BIRC7: variants seen among roughly 807,000 people sequenced by gnomAD.
BIRC7 encodes the protein baculoviral IAP repeat containing 7, also known as baculoviral IAP repeat-containing protein 7.
BIRC7 carries 26 observed loss-of-function variants against 33.2 expected under a neutral mutation model. That is an observed-to-expected ratio of 0.78 (90% CI 0.57 to 1.09). The LOEUF is 1.09. Ranked by LOEUF, BIRC7 falls within the 50% of genes least tolerant of loss-of-function variation. BIRC7 has a pLI of 0.00. For synonymous variants in BIRC7, 176 were observed against 171.0 expected (o/e 1.03, Z -0.23); for missense variants, 409 against 401.2 (o/e 1.02, Z -0.17).
chr20:63,239,578 C>T lies in BIRC7; in HGVS notation c.870C>T (p.Arg290=). The change falls in exon 6 of 7, where the codon CGC becomes CGT. Residue 290 remains arginine, a synonymous_variant. Coordinates refer to ENST00000217169, the MANE Select transcript of BIRC7 (RefSeq NM_139317.3). ...QLCPICRAPV[R]SRVRTFLS is the part of the protein sequence containing the mutation. ...GCCCCATCTGCAGAGCCCCCGTCCG[C>T]AGCCGCGTGCGCACCTTCCTGTCCT... The T allele has an allele frequency of 2.5e-6, 4 of 1,599,334 alleles. No homozygotes were observed. The highest frequency in any genetic ancestry group is 2.2e-5 in the East Asian group (1 of 44,820).
chr20:63,237,914 A>ACCCC lies in BIRC7; in HGVS notation c.361_362insCCCC (p.Lys121ThrfsTer81). 3.1e-6 allele frequency: 5 copies of ACCCC among 1,604,986 alleles called. No homozygotes were observed. Among genetic ancestry groups the ACCCC allele is most frequent in the Non-Finnish European group, 4.2e-6 (5 of 1,177,110 alleles). Reference sequence around the variant, plus strand: ...TCTCCGCACCCCAGGCCATCAGGACAAGGTGAGGTGCTTCTTCTGCTATGG... The same window carrying ACCCC: ...TCTCCGCACCCCAGGCCATCAGGACACCCCAGGTGAGGTGCTTCTTCTGCTATGG... On this transcript the variant is annotated frameshift_variant, in exon 2 of 7. Transcript: ENST00000217169. LOFTEE classifies it high-confidence loss of function.
rs61737393 is a variant in BIRC7 at position 63,239,485 on chromosome 20, C to T, written c.777C>T (p.Ala259=). 2.2e-4 allele frequency: 349 copies of T among 1,606,856 alleles called. No homozygotes were observed. The African/African-American group carries it at 3.3e-3, about 15-fold the overall frequency. ...CGTGCAAGGTGTGCCTGGACCGCGC[C>T]GTGTCCATCGTCTTTGTGCCGTGCG... ...ERTCKVCLDR[A]VSIVFVPCGH... The change falls in exon 6 of 7, where the codon GCC becomes GCT. Residue 259 remains alanine (A), a synonymous_variant. Transcript: ENST00000217169.
Position 63,236,193 on chromosome 20 carries a change from C to T in BIRC7, c.97C>T (p.Arg33Cys), listed in dbSNP as rs368841007. ...TCCCACGCAGGAGCGCTGTGGACCC[C>T]GCTCTCTGGGCAGCCCTGTCCTAGG... Reference protein sequence around the residue: ...DGPTQERCGPRSLGSPVLGLD... With the variant: ...DGPTQERCGPCSLGSPVLGLD... The change falls in exon 1 of 7, where the codon CGC becomes TGC. Residue 33 changes from arginine (R) to cysteine (C), a missense_variant. Coordinates refer to ENST00000217169, the MANE Select transcript of BIRC7 (RefSeq NM_139317.3). The T allele has an allele frequency of 1.1e-4, 177 of 1,589,142 alleles. No homozygotes were observed. The East Asian group carries it at 3.5e-3, about 32-fold the overall frequency.
intron 6 of BIRC7, among the ~76,000 whole-genome samples, 160 bp from the exon 7 acceptor site, chr20:63,240,096 G>A (rs188251775): frequency 8.3e-4 from 127 of 152,334 alleles, no homozygotes; most frequent in Middle Eastern, 3.4e-3. Flanking sequence ...TGCTGTGACC[G>A]CCTCGGGGCT....
At position 63,238,633 on chromosome 20, in the gene BIRC7, C is replaced by T. The variant is rs1436473313; in HGVS notation, c.577+19C>T. 1 of 1,611,840 alleles carries T rather than the reference C, an allele frequency of 6.2e-7. No homozygotes were observed. Among genetic ancestry groups the T allele is most frequent in the Non-Finnish European group, 8.5e-7 (1 of 1,179,876 alleles). On this transcript the variant is annotated intron_variant, in intron 4 of 6. Transcript: ENST00000217169. ...CCCTCCGGTGAGAGCTGACACCACCCCTGCTGACTCCTTGTGCGCCTGCAG... is the reference window on the plus strand; with the variant it reads ...CCCTCCGGTGAGAGCTGACACCACCTCTGCTGACTCCTTGTGCGCCTGCAG...
At chr20:63,238,326 G>A (rs745648768) in intron 2 of BIRC7, 70 bp from the exon 3 acceptor site, 60 of 1,575,768 alleles carry the variant, frequency 3.8e-5, no homozygotes, top group African/African-American at 2.7e-4. Flanking sequence ...CCTGACCCCC[G>A]GGGATCCAAG....
rs376332500 is a variant in BIRC7, at chr20:63,239,438, C to T, written c.730C>T (p.Arg244Trp). Residue 244 changes from arginine to tryptophan, a missense_variant, in exon 6 of 7, where the codon CGG (arginine) becomes TGG (tryptophan). Arg to Trp is a moderately radical substitution (Grantham distance 101). Transcript: ENST00000217169. ...PGARDVEAQLRRLQEERTCKV... is the reference protein window; with the variant it reads ...PGARDVEAQLWRLQEERTCKV... ...AGCCAGGGATGTGGAGGCGCAGCTG[C>T]GGCGGCTGCAGGAGGAGAGGACGTG... 2.5e-5 allele frequency: 40 copies of T among 1,606,552 alleles called. No homozygotes were observed. The East Asian group carries it at 3.1e-4, about 13-fold the overall frequency.
intron 1 of BIRC7, among the ~76,000 whole-genome samples, chr20:63,236,756 G>A (rs186864718): frequency 1.1e-4 from 16 of 152,362 alleles, no homozygotes; most frequent in Admixed American, 9.1e-4. Context: ...TGATAGAAGT[G>A]GGTGGGGCTG....
Position 63,235,950 on chromosome 20 carries a change from T to C in BIRC7, c.-147T>C. 2.0e-6 allele frequency: 2 copies of C among 1,019,076 alleles called. No individual in the cohort carries two copies. Among genetic ancestry groups the C allele is most frequent in the Non-Finnish European group, 2.7e-6 (2 of 728,800 alleles). 63.1% of individuals were successfully genotyped at this position (1,019,076 alleles called of 1,614,324 possible). A position where few individuals can be genotyped will look rare whatever the true frequency, so the allele number is the denominator to read the frequency against. On this transcript the variant is annotated 5_prime_UTR_variant, in exon 1 of 7. Coordinates refer to ENST00000217169, the MANE Select transcript of BIRC7 (RefSeq NM_139317.3). ...CCTGGGATACTCCCCTCCCAGGGTG[T>C]CTGGTGGCAGGCCTGTGCCTATCCC...
chr20:63,238,541 AG>A, intron 3 of BIRC7, 27 bp from the exon 4 acceptor site: 1 of 1,613,164 alleles, frequency 6.2e-7, no homozygotes, highest in Non-Finnish European at 8.5e-7. Flanking sequence ...TATTTCCCCA[AG>A]GCCTGATGGT....
chr20:63,236,271 C>T lies in BIRC7; in HGVS notation c.175C>T (p.Leu59=). 6.2e-7 allele frequency: 1 copy of T among 1,609,516 alleles called. No homozygotes were observed. Residue 59 remains leucine, a synonymous_variant, in exon 1 of 7, where the codon CTG becomes TTG. Coordinates refer to ENST00000217169, the MANE Select transcript of BIRC7 (RefSeq NM_139317.3). ...DHVDGQILGQ[L]RPLTEEEEEE... is the part of the protein sequence containing the mutation. ...CGTGGATGGGCAGATCCTGGGCCAG[C>T]TGCGGCCCCTGACAGAGGAGGAAGA...
In BIRC7 at chr20:63,236,459, G is replaced by C. The variant is rs150688713; in HGVS notation, c.349+14G>C. ...TCTTCCACACAGGTCAGTCCCGGGC[G>C]GGGGGGCCTTCCTGCCGTGGGCCTG... On this transcript the variant is annotated intron_variant, in intron 1 of 6. Coordinates refer to ENST00000217169, the MANE Select transcript of BIRC7 (RefSeq NM_139317.3). 6.6e-6 allele frequency: 10 copies of C among 1,507,412 alleles called. No homozygotes were observed. Among genetic ancestry groups the C allele is most frequent in the Admixed American group, 2.2e-5 (1 of 46,256 alleles). 93.4% of individuals were successfully genotyped at this position (1,507,412 alleles called of 1,614,324 possible). A position where few individuals can be genotyped will look rare whatever the true frequency, so the allele number is the denominator to read the frequency against.
Position 63,239,361 on chromosome 20 carries a change from GGGTCAGTCCAGCCGA to G in BIRC7, c.656_670del (p.Val219_Glu223del). On this transcript the variant is annotated inframe_deletion, in exon 6 of 7. Coordinates refer to ENST00000217169, the MANE Select transcript of BIRC7 (RefSeq NM_139317.3). ...TTTCGCAGGCCTGTCCTCCTAGGAG[GGGTCAGTCCAGCCGA>G]GGCCCAGAGGGCGTGGTGGGTTCTT... 3 of 1,603,104 alleles carry G rather than the reference GGGTCAGTCCAGCCGA, an allele frequency of 1.9e-6. No homozygotes were observed. The highest frequency in any genetic ancestry group is 2.5e-6 in the Non-Finnish European group (3 of 1,179,676).
intron 4 of BIRC7, 169 bp downstream of exon 4, chr20:63,238,783 G>T: frequency 4.3e-6 from 4 of 929,170 alleles, no homozygotes; most frequent in South Asian, 1.6e-5. Context: ...ATGTGAGGGT[G>T]GGGGCGGGGC....
At chr20:63,239,049 C>A in intron 4 of BIRC7, 113 bp from the exon 5 acceptor site, 1 of 1,084,096 alleles carries the variant, frequency 9.2e-7, no homozygotes, top group East Asian at 2.4e-5. Flanking sequence ...GGATACTCTG[C>A]AGCCCCTCCA....
rs560298175 is a variant in BIRC7, at chr20:63,239,224, C to T, written c.640C>T (p.Gln214Ter). 2 of 1,609,368 alleles carry T rather than the reference C, an allele frequency of 1.2e-6. No individual in the cohort carries two copies. Among genetic ancestry groups the T allele is most frequent in the African/African-American group, 1.4e-5 (1 of 73,912 alleles). Residue 214 changes from glutamine (Q) to a stop codon, truncating the protein, a stop_gained, in exon 5 of 7, where the codon CAG (glutamine) becomes TAG (stop). Coordinates refer to ENST00000217169, the MANE Select transcript of BIRC7 (RefSeq NM_139317.3). LOFTEE classifies it high-confidence loss of function. ...PRREVQSESA[Q>*]EPGGVSPAEA... The stretch of plus-strand genomic sequence containing the variant: ...GAGAGAGGTCCAGTCTGAAAGTGCC[C>T]AGGAGCCAGGTGCAGGCCCGGGACC...
intron 5 of BIRC7, 39 bp from the exon 6 acceptor site, chr20:63,239,319 G>A (rs985604368): frequency 1.2e-6 from 2 of 1,603,446 alleles, no homozygotes; most frequent in South Asian, 2.2e-5. Context: ...GAGGGTGGGG[G>A]CCAGGGTGTG....
At chr20:63,240,217 C>G (rs758834783) in intron 6 of BIRC7, 39 bp from the exon 7 acceptor site, 2 of 154,554 alleles carry the variant, frequency 1.3e-5, no homozygotes, top group Non-Finnish European at 2.9e-5. Flanking sequence ...TGGGCCCCGT[C>G]GGTTGCCATT....
At chr20:63,237,378 G>A (rs1452909201) in intron 1 of BIRC7, among the ~76,000 whole-genome samples, 2 of 152,232 alleles carry the variant, frequency 1.3e-5, no homozygotes, top group African/African-American at 4.8e-5. Flanking sequence ...TCAGTGGCAG[G>A]TGACGTATCG....
Sources: allele counts gnomAD v4.1 joint callset (sites outside exome capture counted in the v4.1 genomes callset), GRCh38; gene constraint gnomAD v4.1.1; transcripts MANE v1.5; gene names NCBI Gene and HGNC (gene_info 2026-07-23, HGNC 2026-07-21).